BABAM2: variants seen among roughly 807,000 people sequenced by gnomAD.
BABAM2 encodes the protein BRISC and BRCA1-A complex member 2.
In BABAM2, 31 loss-of-function variants were observed where a neutral mutation model predicts 54.7. That is an observed-to-expected ratio of 0.57 (90% confidence interval 0.43 to 0.77). The LOEUF is 0.77. BABAM2 is among the 30% of genes least tolerant of loss of function. The pLI, the probability that BABAM2 is intolerant of heterozygous loss-of-function variation, is 0.00. For synonymous variants in BABAM2, 167 were observed against 162.9 expected (o/e 1.03, Z -0.19); for missense variants, 364 against 455.8 (o/e 0.80, Z 1.83).
chr2:28,149,491 A>G (rs766288720), intron 7 of BABAM2, among the ~76,000 whole-genome samples: 17 of 152,242 alleles, frequency 1.1e-4, no homozygotes, highest in Non-Finnish European at 1.6e-4. Flanking sequence ...CAAGCTAGAT[A>G]GGGCCGGCAT....
At chr2:27,918,219 TTAAAC>T (rs1667116683) in intron 2 of BABAM2, among the ~76,000 whole-genome samples, 1 of 152,204 alleles carries the variant, frequency 6.6e-6, no homozygotes, top group Non-Finnish European at 1.5e-5. Context: ...TCTGTACCCA[TTAAAC>T]TATAGCTTCC....
intron 5 of BABAM2, among the ~76,000 whole-genome samples, chr2:28,043,088 A>G (rs1337344538): frequency 6.6e-6 from 1 of 151,864 alleles, no homozygotes; most frequent in African/African-American, 2.4e-5. Flanking sequence ...GGGAAAAATT[A>G]ATTATATAGG....
intron 10 of BABAM2, among the ~76,000 whole-genome samples, chr2:28,292,269 C>T (rs1396323110): frequency 6.6e-6 from 1 of 152,150 alleles, no homozygotes; most frequent in Non-Finnish European, 1.5e-5. Flanking sequence ...TGGTTAACCC[C>T]TCATTTGTTT....
intron 4 of BABAM2, chr2:28,016,609 A>G: frequency 2.0e-6 from 1 of 498,016 alleles, no homozygotes; most frequent in South Asian, 2.0e-5. Flanking sequence ...ACTGTGTTTT[A>G]GACTGCAATG....
chr2:28,259,684 A>T (rs537140904), intron 10 of BABAM2, among the ~76,000 whole-genome samples: 1 of 152,302 alleles, frequency 6.6e-6, no homozygotes, highest in African/African-American at 2.4e-5. Context: ...AAATAATTTT[A>T]AAAATGTTTT....
intron 10 of BABAM2, among the ~76,000 whole-genome samples, chr2:28,275,791 G>A (rs1270422478): frequency 6.6e-6 from 1 of 152,044 alleles, no homozygotes; most frequent in Non-Finnish European, 1.5e-5. Context: ...TTACGCATGG[G>A]CTCACACAAA....
chr2:28,267,472 A>G (rs985815507), intron 10 of BABAM2, among the ~76,000 whole-genome samples: 5 of 151,716 alleles, frequency 3.3e-5, no homozygotes, highest in African/African-American at 1.2e-4. Context: ...CACACTTTTA[A>G]TGTATTTTGA....
chr2:27,951,639 A>G (rs1669727281), intron 3 of BABAM2, among the ~76,000 whole-genome samples: 1 of 152,176 alleles, frequency 6.6e-6, no homozygotes, highest in Non-Finnish European at 1.5e-5. Flanking sequence ...GTTGGTTAAT[A>G]GAGTTGTTCA....
At chr2:28,174,812 C>G (rs1009889561) in intron 7 of BABAM2, among the ~76,000 whole-genome samples, 14 of 152,130 alleles carry the variant, frequency 9.2e-5, no homozygotes, top group Non-Finnish European at 1.9e-4. Flanking sequence ...CCTCACCAGA[C>G]AGCATCCTTT....
chr2:28,139,907 C>T (rs531325819), intron 7 of BABAM2, among the ~76,000 whole-genome samples: 107 of 152,294 alleles, frequency 7.0e-4, no homozygotes, highest in African/African-American at 1.8e-3. Flanking sequence ...TCCTTTTTCC[C>T]CACTTCAGTC....
chr2:28,127,059 G>T (rs1442960563), intron 6 of BABAM2, among the ~76,000 whole-genome samples: 1 of 152,022 alleles, frequency 6.6e-6, no homozygotes, highest in East Asian at 1.9e-4. Flanking sequence ...AGATGAGTAG[G>T]TTGCGAAAAT....
intron 9 of BABAM2, among the ~76,000 whole-genome samples, chr2:28,243,960 G>T (rs1682687364): frequency 6.6e-6 from 1 of 152,172 alleles, no homozygotes; most frequent in Admixed American, 6.5e-5. Context: ...GGATGAGAAA[G>T]AAAATTATAT....
chr2:28,326,375 C>T (rs924766596), intron 11 of BABAM2, among the ~76,000 whole-genome samples: 2 of 152,154 alleles, frequency 1.3e-5, no homozygotes, highest in African/African-American at 4.8e-5. Context: ...AGAGGACTCA[C>T]CATCTGGGCA....
intron 8 of BABAM2, among the ~76,000 whole-genome samples, chr2:28,237,922 G>A (rs754778352): frequency 1.4e-4 from 21 of 151,938 alleles, no homozygotes; most frequent in Non-Finnish European, 2.6e-4. Flanking sequence ...GCGCGATCTC[G>A]GCTGACCGCA....
intron 7 of BABAM2, among the ~76,000 whole-genome samples, chr2:28,160,285 T>C (rs376695096): frequency 2.0e-5 from 3 of 152,138 alleles, no homozygotes; most frequent in African/African-American, 7.2e-5. Context: ...CTGGCCATGA[T>C]TGGTTTTTAG....
At chr2:28,282,997 CA>C (rs370484850) in intron 10 of BABAM2, among the ~76,000 whole-genome samples, 415 of 71,928 alleles carry the variant, frequency 5.8e-3, no homozygotes, top group African/African-American at 0.023. Context: ...GACTCCGTCC[CA>C]AAAAAAAAAA....
At chr2:27,941,879 A>C (rs1668915642) in intron 3 of BABAM2, among the ~76,000 whole-genome samples, 1 of 152,196 alleles carries the variant, frequency 6.6e-6, no homozygotes, top group South Asian at 2.1e-4. Flanking sequence ...ACTTAAATGG[A>C]ATGTACCATT....
intron 3 of BABAM2, among the ~76,000 whole-genome samples, chr2:27,983,052 T>C (rs1672140018): frequency 6.6e-6 from 1 of 152,034 alleles, no homozygotes; most frequent in Admixed American, 6.6e-5. Context: ...CTGGATCATA[T>C]GTTAATTTTT....
In BABAM2 at chr2:28,129,301, G is replaced by A. The variant is rs758746129; in HGVS notation, c.601G>A (p.Ala201Thr). The change falls in exon 7 of 12, where the codon GCC becomes ACC. Residue 201 changes from alanine to threonine, a missense_variant. Ala to Thr is a moderately conservative substitution (Grantham distance 58, BLOSUM62 0). Transcript: ENST00000379624. ...DVNEDPGEDV[A>T]LLSVSFEDTE... ...AAATGAAGACCCTGGAGAAGATGTGGCCCTCCTCTCTGTTAGTTTTGAGGA... is the reference window on the plus strand; with the variant it reads ...AAATGAAGACCCTGGAGAAGATGTGACCCTCCTCTCTGTTAGTTTTGAGGA... 2.5e-6 allele frequency: 4 copies of A among 1,613,828 alleles called. No homozygotes were observed. The highest frequency in any genetic ancestry group is 1.7e-5 in the Admixed American group (1 of 59,990).
Sources: gnomAD v4.1 joint callset for allele counts (sites outside exome capture counted in the v4.1 genomes callset) on GRCh38, gnomAD v4.1.1 for gene constraint, MANE v1.5 for transcripts, NCBI Gene and HGNC (gene_info 2026-07-23, HGNC 2026-07-21) for gene names.